Variants in GCM1 observed in about 807,000 individuals in gnomAD.
The protein encoded by GCM1 is chorion-specific transcription factor GCMa.
Under a neutral mutation model 25.7 loss-of-function variants are expected in GCM1, and 2 were observed. That is an observed-to-expected ratio of 0.08 (90% confidence interval 0.03 to 0.24). The LOEUF (loss-of-function observed/expected upper bound fraction) is 0.24. Ranked by LOEUF, GCM1 falls within the 10% of genes least tolerant of loss-of-function variation. The probability of loss-of-function intolerance (pLI) is 1.00; values close to 1 mark genes in which losing one functional copy is unlikely to be tolerated. For synonymous variants in GCM1, 183 were observed against 195.7 expected, an observed-to-expected ratio of 0.94 and a Z score of 0.54; for missense variants, 395 against 538.7, an observed-to-expected ratio of 0.73 and a Z score of 2.64.
chr6:53,134,401 A>G (rs2127508782), intron 2 of GCM1, 77 bp from the exon 3 acceptor site: 1 of 1,395,242 alleles, frequency 7.2e-7, no homozygotes, highest in East Asian at 2.3e-5. Context: ...GTGAGTAGAT[A>G]GGAAGGATGT....
chr6:53,141,180 A>C (rs1367055302), intron 2 of GCM1, among the ~76,000 whole-genome samples: 1 of 152,048 alleles, frequency 6.6e-6, no homozygotes, highest in Non-Finnish European at 1.5e-5. Flanking sequence ...GAGCATTTCC[A>C]CAGAAGTTAA....
At chr6:53,134,751 T>G (rs1377991792) in intron 2 of GCM1, among the ~76,000 whole-genome samples, 3 of 152,216 alleles carry the variant, frequency 2.0e-5, no homozygotes, top group Non-Finnish European at 4.4e-5. Flanking sequence ...GAGGATGGCT[T>G]GAGGCCAGGG....
chr6:53,128,053 A>AAAAAAAAAAT lies in GCM1; in HGVS notation c.*152_*153insATTTTTTTTT. ...CAAAAAAAAAAAAAAAAAAAAAAAA[A>AAAAAAAAAAT]GAAGGAAAAAAGAAAAAGAAAAAAG... On this transcript the variant is annotated 3_prime_UTR_variant, in exon 6 of 6. Coordinates refer to ENST00000259803, the MANE Select transcript of GCM1 (RefSeq NM_003643.4). 3.2e-6 allele frequency: 1 copy of AAAAAAAAAAT among 310,184 alleles called. No homozygotes were observed. Among genetic ancestry groups the AAAAAAAAAAT allele is most frequent in the East Asian group, 5.8e-5 (1 of 17,104 alleles). The allele number at this position is 310,184 out of a possible 1,614,324, so 19.2% of individuals were successfully genotyped here.
chr6:53,141,560 G>A (rs1224110399), intron 2 of GCM1, among the ~76,000 whole-genome samples: 1 of 152,104 alleles, frequency 6.6e-6, no homozygotes, highest in Non-Finnish European at 1.5e-5. Context: ...GGTGGCAGGT[G>A]CAAGTAGTCC....
intron 2 of GCM1, among the ~76,000 whole-genome samples, chr6:53,143,507 A>G (rs1006871156): frequency 2.0e-4 from 31 of 152,316 alleles, no homozygotes; most frequent in African/African-American, 7.0e-4. Context: ...TCTTCTACAT[A>G]TCTGTTTACT....
intron 2 of GCM1, among the ~76,000 whole-genome samples, chr6:53,142,165 G>T (rs1292465489): frequency 6.6e-6 from 1 of 151,602 alleles, no homozygotes; most frequent in Non-Finnish European, 1.5e-5. Context: ...ATTCTGGCAA[G>T]AATATAAAAT....
chr6:53,138,146 G>T lies in GCM1; in HGVS notation c.76-3822C>A, dbSNP rs549919121. 3.9e-5 allele frequency among the ~76,000 whole-genome samples: 6 copies of T among 152,036 alleles called. No homozygotes were observed. The South Asian group carries it at 1.0e-3, about 26-fold the overall frequency. ...AAAATACAAAAATTAGCCAGGCATG[G>T]TGGCACATGCCTGTTATCCCAGTTA... On this transcript the variant is annotated intron_variant, in intron 2 of 5. Transcript: ENST00000259803.
At chr6:53,137,830 A>G (rs999373799) in intron 2 of GCM1, among the ~76,000 whole-genome samples, 2 of 152,244 alleles carry the variant, frequency 1.3e-5, no homozygotes, top group Admixed American at 1.3e-4. Context: ...CATAGATCCC[A>G]TGAACCAGAA....
chr6:53,148,547 C>T (rs1763997555), intron 1 of GCM1, among the ~76,000 whole-genome samples: 3 of 152,108 alleles, frequency 2.0e-5, no homozygotes, highest in Non-Finnish European at 4.4e-5. Context: ...ATTTTACAGC[C>T]CTTAAGTAAA....
In GCM1 at chr6:53,145,708, T is replaced by C; in HGVS notation, c.-76A>G. 1.2e-6 allele frequency: 1 copy of C among 836,980 alleles called. No individual in the cohort carries two copies. Among genetic ancestry groups the C allele is most frequent in the Non-Finnish European group, 2.1e-6 (1 of 484,872 alleles). 51.8% of individuals were successfully genotyped at this position (836,980 alleles called of 1,614,324 possible). A position where few individuals can be genotyped will look rare whatever the true frequency, so the allele number is the denominator to read the frequency against. Reference sequence around the variant, plus strand: ...TGCTTGAGAATTTTGTTCTCAAAGGTTCTTGATATAGCTGGATCGGCCCAC... The same window carrying C: ...TGCTTGAGAATTTTGTTCTCAAAGGCTCTTGATATAGCTGGATCGGCCCAC... On this transcript the variant is annotated 5_prime_UTR_variant, in exon 2 of 6. Coordinates refer to ENST00000259803, the MANE Select transcript of GCM1 (RefSeq NM_003643.4).
At chr6:53,139,495 CAAAAAA>C (rs58094365) in intron 2 of GCM1, among the ~76,000 whole-genome samples, 2 of 105,830 alleles carry the variant, frequency 1.9e-5, no homozygotes. Context: ...ACCCCCATCT[CAAAAAA>C]AAAAAAAAAA....
At chr6:53,144,405 A>AC (rs1763923677) in intron 2 of GCM1, among the ~76,000 whole-genome samples, 2 of 150,058 alleles carry the variant, frequency 1.3e-5, no homozygotes, top group Middle Eastern at 3.4e-3. Flanking sequence ...GGCCCAGGAG[A>AC]CCAGGCAAAC....
intron 2 of GCM1, among the ~76,000 whole-genome samples, chr6:53,142,807 G>A (rs773600501): frequency 4.5e-5 from 6 of 132,100 alleles, no homozygotes; most frequent in Middle Eastern, 5.3e-3. Context: ...ACCATTTGGC[G>A]CAACCCCCTC....
rs1005615503 is a variant in GCM1, at chr6:53,128,505, A to G, written c.1012T>C (p.Tyr338His). ...GGTGGCTCCAATGGAAGCTGCTGGTAAAAGGGTTCTGAAGAGTTTTGGGAA... is the reference window on the plus strand; with the variant it reads ...GGTGGCTCCAATGGAAGCTGCTGGTGAAAGGGTTCTGAAGAGTTTTGGGAA... ...SPSQNSSEPF[Y>H]QQLPLEPPAA... is the part of the protein sequence containing the mutation. Residue 338 changes from tyrosine to histidine, a missense_variant, in exon 6 of 6, where the codon TAC becomes CAC. Tyr to His is a moderately conservative substitution (Grantham distance 83). Around this residue, in one of 5 missense-constraint regions of GCM1, gnomAD observed 291 missense variants for 314.6 expected, o/e 0.92. Transcript: ENST00000259803. 4 of 1,613,910 alleles carry G rather than the reference A, an allele frequency of 2.5e-6. No individual in the cohort carries two copies. In the Admixed American group the frequency reaches 5.0e-5, roughly 20 times the overall value.
In GCM1 at chr6:53,135,771, C is replaced by T. The variant is rs952021401; in HGVS notation, c.76-1447G>A. ...CTAGGCTGCTTCTTCTTTGCTTTCC[C>T]AACCAGAAAGCACAGCCCACAACAT... is the stretch of plus-strand genomic sequence containing the variant. On this transcript the variant is annotated intron_variant, in intron 2 of 5. Coordinates refer to ENST00000259803, the MANE Select transcript of GCM1 (RefSeq NM_003643.4). 1.3e-4 allele frequency among the ~76,000 whole-genome samples: 20 copies of T among 152,134 alleles called. 1 individual carries two copies. Among genetic ancestry groups the T allele is most frequent in the Admixed American group, 1.2e-3 (18 of 15,274 alleles).
chr6:53,144,487 T>C (rs903751028), intron 2 of GCM1, among the ~76,000 whole-genome samples: 1 of 151,190 alleles, frequency 6.6e-6, no homozygotes, highest in Non-Finnish European at 1.5e-5. Context: ...TCAGTGCATG[T>C]ATGGTATTTC....
chr6:53,144,421 TAA>T (rs766498725), intron 2 of GCM1, among the ~76,000 whole-genome samples: 22 of 121,096 alleles, frequency 1.8e-4, no homozygotes, highest in East Asian at 2.4e-4. Context: ...CAAACCCATC[TAA>T]AAAAAAAAAA....
At chr6:53,135,806 A>T (rs1010685276) in intron 2 of GCM1, among the ~76,000 whole-genome samples, 9 of 152,254 alleles carry the variant, frequency 5.9e-5, no homozygotes, top group African/African-American at 1.7e-4. Context: ...TAAAAAAAAG[A>T]CAAATTTTAG....
intron 1 of GCM1, among the ~76,000 whole-genome samples, chr6:53,147,542 C>T (rs1223981156): frequency 1.3e-5 from 2 of 150,534 alleles, no homozygotes; most frequent in East Asian, 4.0e-4. Flanking sequence ...GATTCTTTTA[C>T]CTCAGCCTCC....
Sources: gnomAD v4.1 joint callset for allele counts (sites outside exome capture counted in the v4.1 genomes callset) on GRCh38, gnomAD v4.1.1 for gene constraint, gnomAD v4.1.1 regional missense constraint, MANE v1.5 for transcripts, NCBI Gene and HGNC (gene_info 2026-07-23, HGNC 2026-07-21) for gene names.